The following LRRN2 variants were observed in gnomAD, a reference collection of about 807,000 sequenced individuals.
The protein encoded by LRRN2 is leucine-rich repeat neuronal protein 2.
A neutral mutation model predicts 35.7 loss-of-function variants in LRRN2; 10 were observed. That is an observed-to-expected ratio of 0.28 (90% confidence interval 0.17 to 0.47). LRRN2 has a LOEUF of 0.47. Ranked by LOEUF, LRRN2 falls within the 20% of genes least tolerant of loss-of-function variation. The pLI, the probability that LRRN2 is intolerant of heterozygous loss-of-function variation, is 0.99. For missense variants in LRRN2, 731 were observed against 940.3 expected, an observed-to-expected ratio of 0.78 and a Z score of 2.91; for synonymous variants, 391 against 409.6, an observed-to-expected ratio of 0.95 and a Z score of 0.55.
Position 204,619,950 on chromosome 1 carries a change from C to A in LRRN2, c.43G>T (p.Gly15Cys). 1 of 1,612,810 alleles carries A rather than the reference C, an allele frequency of 6.2e-7. No homozygotes were observed. The highest frequency in any genetic ancestry group is 1.3e-5 in the African/African-American group (1 of 75,050). ...VAPLLLAWVA[G>C]ATAAVPVVPW... ...ACCACGGGCACAGCGGCAGTGGCAC[C>A]AGCCACCCAAGCTAGCAAGAGTGGG... Residue 15 changes from glycine to cysteine, a missense_variant, in exon 2 of 2, where the codon GGT (glycine) becomes TGT (cysteine). By Grantham distance (159) the Gly-to-Cys change is radical. Coordinates refer to ENST00000367177, the MANE Select transcript of LRRN2 (RefSeq NM_201630.2).
intron 1 of LRRN2, among the ~76,000 whole-genome samples, chr1:204,674,058 G>A (rs1294230085): frequency 1.3e-5 from 2 of 152,088 alleles, no homozygotes; most frequent in Non-Finnish European, 2.9e-5. Context: ...CCCCATGCCT[G>A]CCCAAATCTG....
chr1:204,631,258 ATATATATATATATATATATATATAT>A lies in LRRN2; in HGVS notation c.-226-11065_-226-11041del, dbSNP rs1667688869. On this transcript the variant is annotated intron_variant, in intron 1 of 1. Coordinates refer to ENST00000367177, the MANE Select transcript of LRRN2 (RefSeq NM_201630.2). The stretch of plus-strand genomic sequence containing the variant: ...AGAAGAGTGATACCTAGAGTGTTCT[ATATATATATATATATATATATATAT>A]ATATATATATATATATATATGAAGA... Among the ~76,000 whole-genome samples the A allele has an allele frequency of 4.4e-4, 17 of 38,996 alleles. 3 individuals are homozygous for A. The highest frequency in any genetic ancestry group is 1.2e-3 in the African/African-American group (13 of 10,900). 25.6% of individuals were successfully genotyped at this position (38,996 alleles called of 152,430 possible).
Position 204,666,868 on chromosome 1 carries a change from C to T in LRRN2, c.-227+18452G>A, listed in dbSNP as rs186380998. 4.2e-4 allele frequency among the ~76,000 whole-genome samples: 62 copies of T among 146,390 alleles called. 1 individual carries two copies. Among genetic ancestry groups the T allele is most frequent in the Admixed American group, 1.9e-3 (27 of 14,346 alleles). ...TCCCAGCTACTCGGGAGGCTGAGGC[C>T]GGAGAATTGCTTGAACCTGGGAGGC... On this transcript the variant is annotated intron_variant, in intron 1 of 1. Transcript: ENST00000367177.
At chr1:204,624,528 G>A (rs1471103869) in intron 1 of LRRN2, among the ~76,000 whole-genome samples, 1 of 152,224 alleles carries the variant, frequency 6.6e-6, no homozygotes, top group Non-Finnish European at 1.5e-5. Context: ...CTGTTTCTGT[G>A]GATTTAGCGG....
intron 1 of LRRN2, among the ~76,000 whole-genome samples, chr1:204,657,572 TG>T (rs58263944): frequency 0.18 from 27,383 of 151,858 alleles, 2,929 homozygotes; most frequent in East Asian, 0.48. Flanking sequence ...TGCCAGGATC[TG>T]GGGGAAGGGG....
intron 1 of LRRN2, among the ~76,000 whole-genome samples, chr1:204,625,377 G>A (rs527995221): frequency 6.6e-6 from 1 of 152,276 alleles, no homozygotes; most frequent in Non-Finnish European, 1.5e-5. Context: ...TGGAGCAAAA[G>A]TAATTGCGGT....
intron 1 of LRRN2, among the ~76,000 whole-genome samples, chr1:204,667,671 G>A (rs1668602436): frequency 6.6e-6 from 1 of 152,122 alleles, no homozygotes; most frequent in Non-Finnish European, 1.5e-5. Flanking sequence ...GAGTTCTCAG[G>A]GCTTTAGGGA....
chr1:204,652,714 A>G (rs911202867), intron 1 of LRRN2, among the ~76,000 whole-genome samples: 1 of 152,214 alleles, frequency 6.6e-6, no homozygotes, highest in Non-Finnish European at 1.5e-5. Flanking sequence ...CGAATCACCC[A>G]GAGAGCTTGT....
chr1:204,641,988 A>G (rs1667988127), intron 1 of LRRN2, among the ~76,000 whole-genome samples: 1 of 152,058 alleles, frequency 6.6e-6, no homozygotes, highest in Non-Finnish European at 1.5e-5. Flanking sequence ...TGTGTTGTGT[A>G]TCTGTGCACG....
intron 1 of LRRN2, among the ~76,000 whole-genome samples, chr1:204,641,998 G>A (rs535204990): frequency 4.6e-5 from 7 of 152,312 alleles, no homozygotes; most frequent in African/African-American, 7.2e-5. Flanking sequence ...ATCTGTGCAC[G>A]TGAGTGCATG....
intron 1 of LRRN2, among the ~76,000 whole-genome samples, chr1:204,681,115 C>A (rs192252204): frequency 6.6e-6 from 1 of 152,244 alleles, no homozygotes; most frequent in Non-Finnish European, 1.5e-5. Flanking sequence ...TGCCACCACG[C>A]CCGGCTAATC....
At chr1:204,626,278 C>T (rs1024473665) in intron 1 of LRRN2, among the ~76,000 whole-genome samples, 6 of 152,080 alleles carry the variant, frequency 3.9e-5, no homozygotes, top group African/African-American at 1.4e-4. Context: ...CCACCTCACA[C>T]CCCCTACCAA....
At chr1:204,673,571 C>T (rs2102241593) in intron 1 of LRRN2, among the ~76,000 whole-genome samples, 1 of 152,312 alleles carries the variant, frequency 6.6e-6, no homozygotes, top group East Asian at 1.9e-4. Flanking sequence ...AGGCTGCTTC[C>T]CACAAACGCA....
intron 1 of LRRN2, among the ~76,000 whole-genome samples, chr1:204,670,006 G>GT (rs1042438499): frequency 0.019 from 2,580 of 138,630 alleles, 67 homozygotes; most frequent in African/African-American, 0.057. Context: ...ATTTCCACTC[G>GT]TTTTTTTTTT....
rs535635277 is a variant in LRRN2, at chr1:204,661,841, C to G, written c.-227+23479G>C. ...CTCTCTGGGCTAAGAAGGACCAGGA[C>G]AGAGAGTGGATCTTCTCCTCAGGGA... On this transcript the variant is annotated intron_variant, in intron 1 of 1. Coordinates refer to ENST00000367177, the MANE Select transcript of LRRN2 (RefSeq NM_201630.2). 6.6e-5 allele frequency among the ~76,000 whole-genome samples: 10 copies of G among 152,308 alleles called. No homozygotes were observed. In the South Asian group the frequency reaches 2.1e-3, roughly 32 times the overall value.
chr1:204,623,107 C>T (rs757112179), intron 1 of LRRN2, among the ~76,000 whole-genome samples: 2 of 152,038 alleles, frequency 1.3e-5, no homozygotes, highest in African/African-American at 2.4e-5. Flanking sequence ...TTCAAAAACA[C>T]GAAACAACTA....
intron 1 of LRRN2, among the ~76,000 whole-genome samples, chr1:204,648,153 C>T (rs779314573): frequency 6.6e-6 from 1 of 152,098 alleles, no homozygotes; most frequent in Non-Finnish European, 1.5e-5. Context: ...GGAAAGAGCA[C>T]AGGGTTGGAA....
intron 1 of LRRN2, among the ~76,000 whole-genome samples, chr1:204,653,714 T>C (rs1327635868): frequency 2.0e-5 from 3 of 151,304 alleles, no homozygotes; most frequent in African/African-American, 7.3e-5. Context: ...TTTAAAAAAT[T>C]AGCCAGGTGT....
intron 1 of LRRN2, among the ~76,000 whole-genome samples, chr1:204,646,665 A>G (rs969735325): frequency 2.6e-5 from 4 of 152,232 alleles, no homozygotes; most frequent in African/African-American, 4.8e-5. Flanking sequence ...CAGCTTTCAA[A>G]GATTCAATAT....
Sources: allele counts gnomAD v4.1 joint callset (sites outside exome capture counted in the v4.1 genomes callset), GRCh38; gene constraint gnomAD v4.1.1; transcripts MANE v1.5; gene names NCBI Gene and HGNC (gene_info 2026-07-23, HGNC 2026-07-21).